The following ADGRL3 variants were observed in gnomAD, a reference collection of about 807,000 sequenced individuals.
The protein encoded by ADGRL3 is calcium-independent alpha-latrotoxin receptor 3.
ADGRL3 carries 62 observed loss-of-function variants against 153.5 expected under a neutral mutation model. The observed-to-expected ratio is 0.40, with a 90% CI of 0.33 to 0.50. The LOEUF (loss-of-function observed/expected upper bound fraction) is 0.50, where lower values mean the gene tolerates loss of function less well. Among genes scored for constraint, ADGRL3 ranks in the 20% least tolerant of loss-of-function variants. ADGRL3 has a pLI of 0.47. For missense variants in ADGRL3, 1,641 were observed against 1,859.4 expected, an observed-to-expected ratio of 0.88 and a Z score of 2.16; for synonymous variants, 710 against 672.5, an observed-to-expected ratio of 1.06 and a Z score of -0.86.
chr4:61,314,596 C>G (rs947703452), intron 1 of ADGRL3, among the ~76,000 whole-genome samples: 3 of 152,228 alleles, frequency 2.0e-5, no homozygotes, highest in African/African-American at 7.2e-5. Context: ...TCTTCATCAT[C>G]TTGCTGGCTC....
At chr4:61,648,322 C>G (rs892751746) in intron 5 of ADGRL3, among the ~76,000 whole-genome samples, 2 of 135,616 alleles carry the variant, frequency 1.5e-5, no homozygotes, top group East Asian at 2.1e-4. Flanking sequence ...TAGTGAGTAG[C>G]TTTTAAGAGT....
At chr4:61,706,412 T>C (rs6820974) in intron 6 of ADGRL3, among the ~76,000 whole-genome samples, 105,353 of 148,674 alleles carry the variant, frequency 0.71, 38,317 homozygotes, top group East Asian at 0.93. Context: ...GGTGACAGAG[T>C]GAGACTCCCT....
At chr4:61,459,128 A>G (rs567281794) in intron 2 of ADGRL3, among the ~76,000 whole-genome samples, 1 of 151,750 alleles carries the variant, frequency 6.6e-6, no homozygotes, top group Non-Finnish European at 1.5e-5. Flanking sequence ...TTCAAAATAT[A>G]TGGTCAAAAA....
intron 25 of ADGRL3, among the ~76,000 whole-genome samples, chr4:62,049,238 T>G (rs2151737270): frequency 6.6e-6 from 1 of 152,246 alleles, no homozygotes; most frequent in African/African-American, 2.4e-5. Context: ...GCCCTGAAGT[T>G]ATTGTAAAAA....
chr4:61,444,640 A>AT lies in ADGRL3; in HGVS notation c.-173-52472dup, dbSNP rs112724191. On this transcript the variant is annotated intron_variant, in intron 2 of 26. Coordinates refer to ENST00000683033, the MANE Select transcript of ADGRL3 (RefSeq NM_001387552.1). Reference sequence around the variant, plus strand: ...CATGCATATGTTCCCTGACTCCAGGATTTTTTTTTATTAGGCTGAAATGTT... The same window carrying AT: ...CATGCATATGTTCCCTGACTCCAGGATTTTTTTTTTATTAGGCTGAAATGTT... Among the ~76,000 whole-genome samples the AT allele has an allele frequency of 5.4e-3, 817 of 151,666 alleles. 9 individuals carry two copies. Among genetic ancestry groups the AT allele is most frequent in the African/African-American group, 0.018 (751 of 41,372 alleles).
intron 5 of ADGRL3, among the ~76,000 whole-genome samples, chr4:61,655,314 G>A (rs936944075): frequency 2.6e-5 from 4 of 152,078 alleles, no homozygotes; most frequent in Non-Finnish European, 2.9e-5. Flanking sequence ...TATTTTTAAC[G>A]GATACAAGCC....
rs1034960789 is a variant in ADGRL3 at position 61,264,195 on chromosome 4, T to C, written c.-240+62430T>C. On this transcript the variant is annotated intron_variant, in intron 1 of 26. Coordinates refer to ENST00000683033, the MANE Select transcript of ADGRL3 (RefSeq NM_001387552.1). ...GGTTGCAGACTCTGATTTCGTTCAATTAAGCTGGTAACCTTTTTAAGAAAC... is the reference window on the plus strand; with the variant it reads ...GGTTGCAGACTCTGATTTCGTTCAACTAAGCTGGTAACCTTTTTAAGAAAC... 4.6e-5 allele frequency among the ~76,000 whole-genome samples: 7 copies of C among 152,150 alleles called. No individual in the cohort carries two copies. The East Asian group carries it at 1.4e-3, about 29-fold the overall frequency.
Position 61,233,529 on chromosome 4 carries a change from G to A in ADGRL3, c.-240+31764G>A, listed in dbSNP as rs77970079. Among the ~76,000 whole-genome samples, 23 of 152,232 alleles carry A rather than the reference G, an allele frequency of 1.5e-4. No individual in the cohort carries two copies. The East Asian group carries it at 2.9e-3, about 19-fold the overall frequency. On this transcript the variant is annotated intron_variant, in intron 1 of 26. Transcript: ENST00000683033. ...AGCTTGTTCTATTAAACAGGCAGTC[G>A]AGGAGGCTTCATTGAGAAGGTGACA... is the stretch of plus-strand genomic sequence containing the variant.
chr4:61,961,011 T>A (rs1196584687), intron 17 of ADGRL3, among the ~76,000 whole-genome samples: 1 of 152,096 alleles, frequency 6.6e-6, no homozygotes, highest in African/African-American at 2.4e-5. Flanking sequence ...CCTGGCCTAG[T>A]TTTTACATTA....
intron 9 of ADGRL3, among the ~76,000 whole-genome samples, chr4:61,862,717 T>TAGGTCTAGGTCTAGGTCTA (rs2098355754): frequency 1.3e-5 from 2 of 152,118 alleles, no homozygotes; most frequent in Non-Finnish European, 2.9e-5. Context: ...TCCAGATTCA[T>TAGGTCTAGGTCTAGGTCTA]GGTCTCTATC....
chr4:61,730,661 A>G (rs1485937616), intron 7 of ADGRL3, 25 bp downstream of exon 7: 1 of 535,724 alleles, frequency 1.9e-6, no homozygotes, highest in Middle Eastern at 3.1e-4. Context: ...TTCATAAATT[A>G]TATACTATTT....
chr4:61,600,658 C>T (rs552419119), intron 5 of ADGRL3, among the ~76,000 whole-genome samples: 16 of 152,242 alleles, frequency 1.1e-4, no homozygotes, highest in Non-Finnish European at 2.2e-4. Flanking sequence ...AAGTTATTAT[C>T]GTGACTAGAG....
intron 25 of ADGRL3, among the ~76,000 whole-genome samples, chr4:62,055,021 TG>T: frequency 6.6e-6 from 1 of 151,824 alleles, no homozygotes; most frequent in South Asian, 2.1e-4. Context: ...GAAAGTGAAT[TG>T]TATAAACAGG....
rs147541979 is a variant in ADGRL3 at position 61,506,678 on chromosome 4, A to G, written c.55+9330A>G. Among the ~76,000 whole-genome samples, 194 of 152,304 alleles carry G rather than the reference A, an allele frequency of 1.3e-3. 4 individuals are homozygous for G. In the East Asian group the frequency reaches 0.028, roughly 22 times the overall value. On this transcript the variant is annotated intron_variant, in intron 3 of 26. Transcript: ENST00000683033. ...AAAAATTGAATAGTGAGTGACAGAT[A>G]CACCCTCACTTTGGTATCATTAGTT...
chr4:61,783,439 C>A (rs2152394108), intron 8 of ADGRL3, among the ~76,000 whole-genome samples: 1 of 151,800 alleles, frequency 6.6e-6, no homozygotes, highest in Non-Finnish European at 1.5e-5. Flanking sequence ...GTGGGCTTTG[C>A]CAAAAATTAT....
chr4:62,073,137 A>G lies in ADGRL3; in HGVS notation c.*2229A>G, dbSNP rs949920463. Reference sequence around the variant, plus strand: ...GGTTTCCTTTTTCAAAAATCTAAACACTATCCATCTATAAATGACTATCTT... The same window carrying G: ...GGTTTCCTTTTTCAAAAATCTAAACGCTATCCATCTATAAATGACTATCTT... On this transcript the variant is annotated 3_prime_UTR_variant, in exon 27 of 27. Coordinates refer to ENST00000683033, the MANE Select transcript of ADGRL3 (RefSeq NM_001387552.1). The G allele has an allele frequency of 6.6e-6, 1 of 152,130 alleles. No homozygotes were observed. Among genetic ancestry groups the G allele is most frequent in the Non-Finnish European group, 1.5e-5 (1 of 68,006 alleles). The allele number at this position is 152,130 out of a possible 1,614,324, so 9.4% of individuals were successfully genotyped here.
chr4:61,314,212 T>G (rs1049442789), intron 1 of ADGRL3, among the ~76,000 whole-genome samples: 29 of 152,168 alleles, frequency 1.9e-4, no homozygotes, highest in Non-Finnish European at 3.7e-4. Context: ...TTTGAAGTTT[T>G]TTTTTTTTTT....
At chr4:62,012,049 A>G (rs1226266427) in intron 21 of ADGRL3, among the ~76,000 whole-genome samples, 2 of 152,124 alleles carry the variant, frequency 1.3e-5, no homozygotes, top group Non-Finnish European at 2.9e-5. Flanking sequence ...GTGAAAATTG[A>G]CCAAAATTTG....
chr4:61,706,398 G>A (rs2095858283), intron 6 of ADGRL3, among the ~76,000 whole-genome samples: 1 of 148,858 alleles, frequency 6.7e-6, no homozygotes. Flanking sequence ...CTCTGGGCTG[G>A]GTGGGTGACA....
Sources: gnomAD v4.1 joint callset for allele counts (sites outside exome capture counted in the v4.1 genomes callset) on GRCh38, gnomAD v4.1.1 for gene constraint, MANE v1.5 for transcripts, NCBI Gene and HGNC (gene_info 2026-07-23, HGNC 2026-07-21) for gene names.